Variants in DOCK1 observed in about 807,000 individuals in gnomAD.
DOCK1 encodes dedicator of cytokinesis protein 1.
Under a neutral mutation model 262.7 loss-of-function variants are expected in DOCK1, and 138 were observed. The observed-to-expected ratio is 0.53, with a 90% CI of 0.46 to 0.61. DOCK1 has a LOEUF of 0.61. Ranked by LOEUF, DOCK1 falls within the 20% of genes least tolerant of loss-of-function variation. DOCK1 has a pLI of 0.00. For missense variants in DOCK1, 1,908 were observed against 2,370.7 expected, an observed-to-expected ratio of 0.80 and a Z score of 4.05; for synonymous variants, 866 against 867.4, an observed-to-expected ratio of 1.00 and a Z score of 0.03.
intron 28 of DOCK1, among the ~76,000 whole-genome samples, chr10:127,254,172 C>T (rs924426134): frequency 1.3e-5 from 2 of 152,172 alleles, no homozygotes; most frequent in African/African-American, 4.8e-5. Context: ...CCTTTTCACG[C>T]ATTGCATTTG....
intron 4 of DOCK1, among the ~76,000 whole-genome samples, chr10:126,985,082 G>A (rs948221667): frequency 1.4e-4 from 21 of 149,858 alleles, no homozygotes; most frequent in Non-Finnish European, 2.1e-4. Context: ...CTGCGTTCAA[G>A]CGATTCTCCT....
At chr10:127,384,724 T>G in intron 37 of DOCK1, 66 bp from the exon 38 acceptor site, 1 of 1,469,094 alleles carries the variant, frequency 6.8e-7, no homozygotes, top group Non-Finnish European at 9.0e-7. Flanking sequence ...GATGCGAAGC[T>G]CACACCATTC....
rs2055119527 is a variant in DOCK1 at position 127,176,174 on chromosome 10, C to T, written c.2847+48410C>T. On this transcript the variant is annotated intron_variant, in intron 27 of 51. Transcript: ENST00000623213. This position sits in a 1 kb window ranked among gnomAD's most constrained non-coding sequence, Gnocchi z 4.4. ...CTGCTCTGCAGGACACGGGCTTGGC[C>T]TCCCGCTTCTCCCCCAGCTGGCCCG... The T allele has an allele frequency of 2.5e-6, 4 of 1,614,030 alleles. No individual in the cohort carries two copies. The highest frequency in any genetic ancestry group is 2.2e-5 in the East Asian group (1 of 44,862).
chr10:127,093,242 C>CTTTTTTTTTTTTTTTTT (rs200302331), intron 23 of DOCK1, among the ~76,000 whole-genome samples: 5 of 79,342 alleles, frequency 6.3e-5, no homozygotes, highest in Admixed American at 1.5e-4. Flanking sequence ...TTTCTTTCTT[C>CTTTTTTTTTTTTTTTTT]TTTTTTTTTT....
At chr10:127,419,553 G>A (rs77994677) in intron 45 of DOCK1, 113 bp from the exon 46 acceptor site, 11 of 990,462 alleles carry the variant, frequency 1.1e-5, no homozygotes, top group Admixed American at 2.1e-5. Flanking sequence ...AGTGAGCTTC[G>A]TGTGGATCTG....
chr10:127,008,390 G>T (rs766776216), intron 10 of DOCK1, among the ~76,000 whole-genome samples: 4 of 152,204 alleles, frequency 2.6e-5, no homozygotes, highest in Non-Finnish European at 5.9e-5. Context: ...GAGCCACTGC[G>T]CCTGGCCTAT....
Position 126,998,199 on chromosome 10 carries a change from T to C in DOCK1, c.717T>C (p.Asp239=). 1.2e-6 allele frequency: 2 copies of C among 1,614,054 alleles called. No individual in the cohort carries two copies. ...ATGTGGTTTGTAAAATAGGAGAAGA[T>C]GCTGAAGTCCTCATGTCTCTATATG... ...LKNVVCKIGE[D]AEVLMSLYDP... The change falls in exon 8 of 52, where the codon GAT becomes GAC. Residue 239 remains aspartate, a synonymous_variant. Transcript: ENST00000623213.
chr10:126,934,524 G>A (rs926851367), intron 1 of DOCK1, among the ~76,000 whole-genome samples: 138 of 152,280 alleles, frequency 9.1e-4, no homozygotes, highest in South Asian at 6.2e-4. Flanking sequence ...ACCCAAAGAC[G>A]AGTTATAACA....
chr10:127,442,525 T>A (rs1337610495), intron 49 of DOCK1, among the ~76,000 whole-genome samples: 1 of 152,086 alleles, frequency 6.6e-6, no homozygotes, highest in Non-Finnish European at 1.5e-5. Context: ...AAGAAATATG[T>A]AAATACAACT....
intron 27 of DOCK1, among the ~76,000 whole-genome samples, chr10:127,168,923 G>C (rs1252016123): frequency 6.6e-6 from 1 of 152,144 alleles, no homozygotes; most frequent in Admixed American, 6.5e-5. Flanking sequence ...TATTCTGTTT[G>C]GGCATTGGTA....
chr10:127,096,546 G>A (rs780314123), intron 23 of DOCK1, among the ~76,000 whole-genome samples: 2 of 151,846 alleles, frequency 1.3e-5, no homozygotes, highest in African/African-American at 4.8e-5. Flanking sequence ...AACTTATTTT[G>A]TATCACCCAT....
At chr10:126,968,089 C>G (rs550197674) in intron 1 of DOCK1, among the ~76,000 whole-genome samples, 88 of 152,172 alleles carry the variant, frequency 5.8e-4, no homozygotes, top group South Asian at 2.5e-3. Context: ...AGTAATCCCC[C>G]CAAAGTGTTG....
intron 7 of DOCK1, chr10:126,997,884 C>T (rs539624389): frequency 3.5e-6 from 2 of 574,888 alleles, no homozygotes; most frequent in East Asian, 5.8e-5. Flanking sequence ...ATACTCAGCA[C>T]AGCAGTTGCA....
At chr10:127,267,077 A>G (rs1478062101) in intron 29 of DOCK1, among the ~76,000 whole-genome samples, 3 of 152,182 alleles carry the variant, frequency 2.0e-5, no homozygotes, top group Non-Finnish European at 2.9e-5. Context: ...CCAGCAGGAA[A>G]AGGACCCCAC....
At chr10:127,422,198 C>T (rs1222273112) in intron 46 of DOCK1, among the ~76,000 whole-genome samples, 1 of 108,566 alleles carries the variant, frequency 9.2e-6, no homozygotes, top group East Asian at 3.1e-4. Flanking sequence ...GATGGAGTCT[C>T]GCTCTGTCAC....
intron 46 of DOCK1, among the ~76,000 whole-genome samples, chr10:127,422,781 C>T (rs1403331149): frequency 1.3e-5 from 2 of 151,936 alleles, no homozygotes; most frequent in Admixed American, 6.6e-5. Flanking sequence ...CTAAAGGGTA[C>T]GAAATTCAAA....
At chr10:126,978,351 T>A (rs936681575) in intron 3 of DOCK1, among the ~76,000 whole-genome samples, 1 of 152,218 alleles carries the variant, frequency 6.6e-6, no homozygotes, top group Admixed American at 6.5e-5. Context: ...ATGTTGTCCT[T>A]AATAATAGAT....
At chr10:126,999,134 A>G (rs2040412471) in intron 8 of DOCK1, among the ~76,000 whole-genome samples, 1 of 152,198 alleles carries the variant, frequency 6.6e-6, no homozygotes, top group African/African-American at 2.4e-5. Flanking sequence ...TAGTTCTATT[A>G]CAGTGACAAC....
chr10:127,394,643 A>G (rs1042749061), intron 38 of DOCK1, among the ~76,000 whole-genome samples: 1 of 152,238 alleles, frequency 6.6e-6, no homozygotes, highest in African/African-American at 2.4e-5. Flanking sequence ...CAAAGAGATC[A>G]TATGTTCATT....
Sources: gnomAD v4.1 joint callset for allele counts (sites outside exome capture counted in the v4.1 genomes callset) on GRCh38, gnomAD v4.1.1 for gene constraint, Gnocchi (gnomAD v3.1) non-coding constraint, MANE v1.5 for transcripts, NCBI Gene and HGNC (gene_info 2026-07-23, HGNC 2026-07-21) for gene names.